UBAP2: variants seen among roughly 807,000 people sequenced by gnomAD.
UBAP2 encodes the protein ubiquitin-associated protein 2.
A neutral mutation model predicts 139.6 loss-of-function variants in UBAP2; 75 were observed. The ratio of observed to expected loss-of-function variants is 0.54; its 90% CI spans 0.45 to 0.65. The LOEUF is 0.65. Ranked by LOEUF, UBAP2 falls within the 30% of genes least tolerant of loss-of-function variation. The probability of loss-of-function intolerance (pLI) is 0.00; values close to 1 mark genes in which losing one functional copy is unlikely to be tolerated. For missense variants in UBAP2, 1,368 were observed against 1,369.6 expected (o/e 1.00, Z 0.02); for synonymous variants, 526 against 526.2 (o/e 1.00, Z 0.01).
At chr9:33,977,392 G>C (rs1252090318) in intron 6 of UBAP2, among the ~76,000 whole-genome samples, 2 of 152,142 alleles carry the variant, frequency 1.3e-5, no homozygotes, top group Middle Eastern at 3.4e-3. Context: ...ATAAATTCTA[G>C]CAAGATAATA....
At chr9:33,973,722 A>T (rs1280182908) in intron 6 of UBAP2, among the ~76,000 whole-genome samples, 1 of 152,218 alleles carries the variant, frequency 6.6e-6, no homozygotes, top group Non-Finnish European at 1.5e-5. Context: ...GCACCTTTCC[A>T]CATTCTCTTC....
At chr9:33,929,411 G>A (rs1386067875) in intron 19 of UBAP2, among the ~76,000 whole-genome samples, 1 of 152,120 alleles carries the variant, frequency 6.6e-6, no homozygotes, top group East Asian at 1.9e-4. Context: ...GAATTAAAAA[G>A]TCAACACTAA....
chr9:34,005,806 A>G (rs1267903125), intron 2 of UBAP2, among the ~76,000 whole-genome samples: 3 of 152,248 alleles, frequency 2.0e-5, no homozygotes, highest in African/African-American at 7.2e-5. Flanking sequence ...CCTTAAAACT[A>G]AAATTTAAGA....
At chr9:34,021,101 T>C (rs1328850506) in intron 1 of UBAP2, among the ~76,000 whole-genome samples, 1 of 152,180 alleles carries the variant, frequency 6.6e-6, no homozygotes, top group Non-Finnish European at 1.5e-5. Flanking sequence ...CTGTGTATCA[T>C]AAAATAAAAT....
At chr9:33,924,583 G>A (rs1245085737) in intron 22 of UBAP2, among the ~76,000 whole-genome samples, 3 of 152,174 alleles carry the variant, frequency 2.0e-5, no homozygotes, top group South Asian at 2.1e-4. Context: ...TGAATGCCTC[G>A]GGCTGAACCA....
chr9:34,003,106 C>T (rs1276178554), intron 2 of UBAP2, among the ~76,000 whole-genome samples: 1 of 151,114 alleles, frequency 6.6e-6, no homozygotes, highest in East Asian at 1.9e-4. Flanking sequence ...TGTTGCCTTG[C>T]AGTAGTGTGC....
intron 10 of UBAP2, among the ~76,000 whole-genome samples, chr9:33,956,492 C>T (rs369878533): frequency 1.3e-5 from 2 of 152,010 alleles, no homozygotes; most frequent in Admixed American, 6.6e-5. Context: ...CCACACCGAG[C>T]TAATTTTTGT....
intron 1 of UBAP2, among the ~76,000 whole-genome samples, chr9:34,035,514 A>AAATATATATATATATATATATATATAT: frequency 1.3e-4 from 3 of 22,470 alleles, no homozygotes; most frequent in African/African-American, 3.8e-4. Flanking sequence ...AAAAAAAAAA[A>AAATATATATATATATATATATATATAT]ATATATATAT....
At chr9:34,049,175 C>T (rs1182797882), upstream of UBAP2, among the ~76,000 whole-genome samples, 1 of 152,242 alleles carries the variant, frequency 6.6e-6, no homozygotes, top group Non-Finnish European at 1.5e-5. Flanking sequence ...ACAACTGCAG[C>T]TCGTCGTCGC....
chr9:33,974,314 C>A (rs1363346371), intron 6 of UBAP2, among the ~76,000 whole-genome samples: 3 of 152,050 alleles, frequency 2.0e-5, no homozygotes, highest in African/African-American at 7.2e-5. Flanking sequence ...TCAAGACCAG[C>A]TTGGGCAAAT....
At chr9:33,962,123 C>A (rs914934824) in intron 9 of UBAP2, among the ~76,000 whole-genome samples, 10 of 152,014 alleles carry the variant, frequency 6.6e-5, no homozygotes, top group African/African-American at 2.4e-4. Context: ...CATACACACA[C>A]AGGGATATAA....
intron 1 of UBAP2, among the ~76,000 whole-genome samples, chr9:34,044,943 T>G (rs1465806375): frequency 6.6e-6 from 1 of 152,210 alleles, no homozygotes; most frequent in Non-Finnish European, 1.5e-5. Context: ...ATGTGAGCCC[T>G]ATTTCATACT....
intron 4 of UBAP2, among the ~76,000 whole-genome samples, chr9:33,993,394 G>C (rs560804675): frequency 6.6e-6 from 1 of 152,204 alleles, no homozygotes; most frequent in Non-Finnish European, 1.5e-5. Context: ...CTAGGTAAGA[G>C]ATGAGGCAAA....
At chr9:33,949,600 G>A (rs1050829316) in intron 12 of UBAP2, among the ~76,000 whole-genome samples, 2 of 152,192 alleles carry the variant, frequency 1.3e-5, no homozygotes, top group African/African-American at 2.4e-5. Context: ...CTACTCCAGA[G>A]GCTGAGACAG....
chr9:34,011,045 TG>T (rs1823713403), intron 2 of UBAP2, among the ~76,000 whole-genome samples: 1 of 152,272 alleles, frequency 6.6e-6, no homozygotes, highest in African/African-American at 2.4e-5. Context: ...GCCAGTGCTT[TG>T]TAAACGTGCA....
At chr9:33,983,918 A>AT (rs1010511051) in intron 6 of UBAP2, among the ~76,000 whole-genome samples, 4 of 152,038 alleles carry the variant, frequency 2.6e-5, no homozygotes, top group African/African-American at 9.7e-5. Flanking sequence ...AATCCCTGGG[A>AT]TTTTTTTATT....
At chr9:33,989,350 T>C (rs760906799) in intron 4 of UBAP2, among the ~76,000 whole-genome samples, 4 of 152,094 alleles carry the variant, frequency 2.6e-5, no homozygotes, top group Non-Finnish European at 4.4e-5. Context: ...TACAGGCGCC[T>C]GCCACCACGC....
chr9:34,037,997 C>CTT (rs1826593759), intron 1 of UBAP2, among the ~76,000 whole-genome samples: 1 of 87,398 alleles, frequency 1.1e-5, no homozygotes, highest in Non-Finnish European at 2.3e-5. Context: ...CCTGTCTCTA[C>CTT]AAAAAAAAAA....
In UBAP2 at chr9:33,941,839, G is replaced by A. The variant is rs145740584; in HGVS notation, c.1739C>T (p.Ser580Leu). 6.2e-6 allele frequency: 10 copies of A among 1,612,826 alleles called. No individual in the cohort carries two copies. In the African/African-American group the frequency reaches 6.7e-5, roughly 11 times the overall value. ...GGAGTTCTGTACTGCACTGGTCATT[G>A]ATAAAGATGTATTCAAAGGCTCACT... Reference protein sequence around the residue: ...SLSEPLNTSLSMTSAVQNSTY... With the variant: ...SLSEPLNTSLLMTSAVQNSTY... The change falls in exon 16 of 29, where the codon TCA becomes TTA. Residue 580 changes from serine (S) to leucine (L), a missense_variant. Coordinates refer to ENST00000379238, the MANE Select transcript of UBAP2 (RefSeq NM_001370062.2).
Sources: allele counts gnomAD v4.1 joint callset (sites outside exome capture counted in the v4.1 genomes callset), GRCh38; gene constraint gnomAD v4.1.1; transcripts MANE v1.5; gene names NCBI Gene and HGNC (gene_info 2026-07-23, HGNC 2026-07-21).